The following CCBE1 variants were observed in gnomAD, a reference collection of about 807,000 sequenced individuals.
CCBE1 encodes the protein collagen and calcium binding EGF domains 1.
A neutral mutation model predicts 50.0 loss-of-function variants in CCBE1; 37 were observed. That is an observed-to-expected ratio of 0.74 (90% confidence interval 0.57 to 0.97). The LOEUF (loss-of-function observed/expected upper bound fraction) is 0.97, where lower values mean the gene tolerates loss of function less well. Among genes scored for constraint, CCBE1 ranks in the 50% least tolerant of loss-of-function variants. CCBE1 has a pLI of 0.00. For missense variants in CCBE1, 538 were observed against 523.8 expected (o/e 1.03, Z -0.26); for synonymous variants, 234 against 203.7 (o/e 1.15, Z -1.27).
intron 2 of CCBE1, among the ~76,000 whole-genome samples, chr18:59,563,274 A>T (rs1251610282): frequency 6.6e-6 from 1 of 152,218 alleles, no homozygotes; most frequent in Non-Finnish European, 1.5e-5. Flanking sequence ...TGGGGGGAAG[A>T]ATAGAACAAA....
intron 5 of CCBE1, among the ~76,000 whole-genome samples, chr18:59,463,016 A>G (rs1911566311): frequency 6.6e-6 from 1 of 152,272 alleles, no homozygotes; most frequent in African/African-American, 2.4e-5. Flanking sequence ...CTGGTCATCA[A>G]CTAAAAATAA....
chr18:59,677,337 A>G (rs1186354264), intron 2 of CCBE1, among the ~76,000 whole-genome samples: 1 of 152,216 alleles, frequency 6.6e-6, no homozygotes, highest in East Asian at 1.9e-4. Context: ...CCAGGCATTC[A>G]GACCACAAGC....
At chr18:59,518,526 G>A (rs1451966076) in intron 2 of CCBE1, among the ~76,000 whole-genome samples, 1 of 152,200 alleles carries the variant, frequency 6.6e-6, no homozygotes, top group African/African-American at 2.4e-5. Flanking sequence ...CATATTCACT[G>A]CTGTCTTCAG....
At chr18:59,468,417 G>C (rs562107735) in intron 4 of CCBE1, among the ~76,000 whole-genome samples, 6 of 145,492 alleles carry the variant, frequency 4.1e-5, no homozygotes, top group Non-Finnish European at 9.2e-5. Flanking sequence ...GGGTACAGTA[G>C]CTGCTATAAA....
intron 6 of CCBE1, among the ~76,000 whole-genome samples, chr18:59,453,967 G>T (rs1911059936): frequency 6.6e-6 from 1 of 152,160 alleles, no homozygotes; most frequent in Non-Finnish European, 1.5e-5. Context: ...CATTCGGACA[G>T]CCTTTTATAA....
intron 2 of CCBE1, among the ~76,000 whole-genome samples, chr18:59,648,110 C>G (rs903671246): frequency 6.6e-6 from 1 of 152,232 alleles, no homozygotes; most frequent in Non-Finnish European, 1.5e-5. Flanking sequence ...TGCCCTGTGT[C>G]AGGTCTCCCC....
chr18:59,634,100 C>T (rs1042049570), intron 2 of CCBE1, among the ~76,000 whole-genome samples: 13 of 152,150 alleles, frequency 8.5e-5, no homozygotes, highest in African/African-American at 3.1e-4. Flanking sequence ...AGAGAAAAAT[C>T]TGGAATAAAT....
chr18:59,496,669 G>C (rs1913370714), intron 2 of CCBE1, among the ~76,000 whole-genome samples: 1 of 152,184 alleles, frequency 6.6e-6, no homozygotes, highest in African/African-American at 2.4e-5. Flanking sequence ...CTCTGTTTGT[G>C]ATGAAGAACT....
chr18:59,540,508 G>A (rs1398840435), intron 2 of CCBE1, among the ~76,000 whole-genome samples: 9 of 152,164 alleles, frequency 5.9e-5, no homozygotes, highest in Admixed American at 5.2e-4. Context: ...GAAATAGGGG[G>A]TGTTGCTGTC....
intron 2 of CCBE1, among the ~76,000 whole-genome samples, chr18:59,662,810 A>ACATTC (rs1179932940): frequency 6.6e-6 from 1 of 152,234 alleles, no homozygotes; most frequent in Admixed American, 6.5e-5. Context: ...GGTGCTTTAT[A>ACATTC]CATTCTAAAA....
At chr18:59,496,930 A>G (rs1449166445) in intron 2 of CCBE1, among the ~76,000 whole-genome samples, 2 of 152,242 alleles carry the variant, frequency 1.3e-5, no homozygotes, top group Admixed American at 1.3e-4. Context: ...ACCTGAGTTT[A>G]GGGCTTGATT....
At chr18:59,666,230 T>C (rs961728683) in intron 2 of CCBE1, 5 of 152,188 alleles carry the variant, frequency 3.3e-5, no homozygotes, top group African/African-American at 1.2e-4. Flanking sequence ...TTCATTATCA[T>C]GAGAACGGCA....
chr18:59,638,145 C>T (rs1363504162), intron 2 of CCBE1, among the ~76,000 whole-genome samples: 1 of 152,128 alleles, frequency 6.6e-6, no homozygotes, highest in Non-Finnish European at 1.5e-5. Context: ...CTTAGGAATG[C>T]AGAGTTTGTT....
At chr18:59,638,456 C>G (rs992520223) in intron 2 of CCBE1, among the ~76,000 whole-genome samples, 1 of 152,208 alleles carries the variant, frequency 6.6e-6, no homozygotes, top group Non-Finnish European at 1.5e-5. Context: ...AGAGAACTTG[C>G]TGTAAATGCA....
intron 2 of CCBE1, among the ~76,000 whole-genome samples, chr18:59,664,971 T>TC (rs999128329): frequency 1.3e-5 from 2 of 152,116 alleles, no homozygotes; most frequent in Non-Finnish European, 2.9e-5. Context: ...TTCACTGCCC[T>TC]CCCCTCTTAG....
chr18:59,653,027 C>T (rs917353876), intron 2 of CCBE1, among the ~76,000 whole-genome samples: 3 of 152,132 alleles, frequency 2.0e-5, no homozygotes, highest in African/African-American at 7.2e-5. Flanking sequence ...AAGGAACTTA[C>T]TTTTATAGAA....
intron 2 of CCBE1, among the ~76,000 whole-genome samples, chr18:59,524,467 ATTCTATCC>A (rs1212122497): frequency 2.0e-5 from 3 of 152,224 alleles, no homozygotes; most frequent in Admixed American, 6.5e-5. Context: ...AAACCTTTGC[ATTCTATCC>A]TTCAACCAGA....
intron 2 of CCBE1, among the ~76,000 whole-genome samples, chr18:59,560,253 C>T (rs2052714847): frequency 6.6e-6 from 1 of 152,156 alleles, no homozygotes; most frequent in Non-Finnish European, 1.5e-5. Context: ...ATGGGTATGC[C>T]CATAGGCTTT....
At chr18:59,512,740 TTGA>T (rs1277898795) in intron 2 of CCBE1, among the ~76,000 whole-genome samples, 1 of 152,154 alleles carries the variant, frequency 6.6e-6, no homozygotes, top group Non-Finnish European at 1.5e-5. Flanking sequence ...TGGCTGGCTG[TTGA>T]TGAGGAAAAG....
Sources: allele counts gnomAD v4.1 joint callset (sites outside exome capture counted in the v4.1 genomes callset), GRCh38; gene constraint gnomAD v4.1.1; transcripts MANE v1.5; gene names NCBI Gene and HGNC (gene_info 2026-07-23, HGNC 2026-07-21).